The following SYT2 variants were observed in gnomAD, a reference collection of about 807,000 sequenced individuals.
SYT2 encodes the protein synaptotagmin 2.
SYT2 carries 15 observed loss-of-function variants against 39.9 expected under a neutral mutation model. The observed-to-expected ratio is 0.38, with a 90% confidence interval of 0.25 to 0.58. The LOEUF is 0.58. Among genes scored for constraint, SYT2 ranks in the 20% least tolerant of loss-of-function variants. The probability of loss-of-function intolerance (pLI) is 0.70; values close to 1 mark genes in which losing one functional copy is unlikely to be tolerated. For synonymous variants in SYT2, 181 were observed against 204.5 expected, an observed-to-expected ratio of 0.89 and a Z score of 0.98; for missense variants, 389 against 530.3, an observed-to-expected ratio of 0.73 and a Z score of 2.62.
At chr1:202,604,180 C>T (rs766132395) in intron 3 of SYT2, 6 of 352,300 alleles carry the variant, frequency 1.7e-5, no homozygotes, top group Admixed American at 9.0e-5. Context: ...CTCTTTCCAA[C>T]ATTTTGTCCC....
intron 1 of SYT2, among the ~76,000 whole-genome samples, chr1:202,693,975 G>A (rs1653910678): frequency 6.6e-6 from 1 of 152,130 alleles, no homozygotes; most frequent in African/African-American, 2.4e-5. Context: ...GAGCAAGGTC[G>A]GGGGGTGGTG....
intron 1 of SYT2, among the ~76,000 whole-genome samples, chr1:202,696,775 T>C (rs976084278): frequency 1.3e-5 from 2 of 152,206 alleles, no homozygotes; most frequent in African/African-American, 4.8e-5. Context: ...GTAGACGTAA[T>C]ATCATGAATT....
In SYT2 at chr1:202,604,542, T is replaced by C. The variant is rs781491626; in HGVS notation, c.258A>G (p.Lys86=). 9.3e-6 allele frequency: 15 copies of C among 1,614,094 alleles called. No individual in the cohort carries two copies. The highest frequency in any genetic ancestry group is 3.3e-5 in the South Asian group (3 of 91,094). The change falls in exon 3 of 9, where the codon AAA becomes AAG. Residue 86 remains lysine, a synonymous_variant. Transcript: ENST00000367268. ...LLTCCFCICK[K]CCCKKKKNKK... The stretch of plus-strand genomic sequence containing the variant: ...TGTTCTTCTTCTTCTTGCAGCAGCA[T>C]TTCTTGCAGATGCAGAAGCAGCAGG...
rs552980437 is a variant in SYT2 at position 202,599,032 on chromosome 1, C to T, written c.1053+186G>A. Among the ~76,000 whole-genome samples, 1 of 152,256 alleles carries T rather than the reference C, an allele frequency of 6.6e-6. No homozygotes were observed. The highest frequency in any genetic ancestry group is 2.1e-4 in the South Asian group (1 of 4,830). ...TTGAATTAGTTCATGTTTATCTCCT[C>T]AGAAAAGGGGGATCCCTGAAGCACT... On this transcript the variant is annotated intron_variant, in intron 8 of 8. Transcript: ENST00000367268. This position sits in a 1 kb window ranked among gnomAD's most constrained non-coding sequence, Gnocchi z 4.4.
At chr1:202,697,287 A>G (rs768838509) in intron 1 of SYT2, among the ~76,000 whole-genome samples, 2 of 152,206 alleles carry the variant, frequency 1.3e-5, no homozygotes, top group Non-Finnish European at 2.9e-5. Context: ...TGGCGTGTGG[A>G]CCAGGAGAGG....
intron 1 of SYT2, among the ~76,000 whole-genome samples, chr1:202,607,060 G>A (rs1690730234): frequency 6.6e-6 from 1 of 151,984 alleles, no homozygotes; most frequent in African/African-American, 2.4e-5. Flanking sequence ...GTAAAACACT[G>A]AGCATAAATG....
In SYT2 at chr1:202,664,423, A is replaced by T. The variant is rs375902160; in HGVS notation, c.-18+45835T>A. Among the ~76,000 whole-genome samples the T allele has an allele frequency of 1.2e-4, 18 of 152,242 alleles. 1 individual carries two copies. Among genetic ancestry groups the T allele is most frequent in the Admixed American group, 7.9e-4 (12 of 15,286 alleles). The stretch of plus-strand genomic sequence containing the variant: ...ACATGCAATGAAATATCCTCATTTT[A>T]AGTATGCAGTTTGATGAATTTTGTT... On this transcript the variant is annotated intron_variant, in intron 1 of 8. Coordinates refer to ENST00000367268, the MANE Select transcript of SYT2 (RefSeq NM_177402.5).
At chr1:202,656,916 C>A (rs1466609058) in intron 1 of SYT2, among the ~76,000 whole-genome samples, 1 of 152,202 alleles carries the variant, frequency 6.6e-6, no homozygotes, top group African/African-American at 2.4e-5. Context: ...AGACAGAGTC[C>A]AGCCCTTCAG....
chr1:202,612,771 A>T (rs1281440638), intron 1 of SYT2, among the ~76,000 whole-genome samples: 1 of 152,184 alleles, frequency 6.6e-6, no homozygotes, highest in African/African-American at 2.4e-5. Context: ...TGGAATTTTG[A>T]TAGGCATTGT....
intron 1 of SYT2, among the ~76,000 whole-genome samples, chr1:202,670,484 T>C (rs1006633954): frequency 3.9e-5 from 6 of 152,172 alleles, no homozygotes; most frequent in Non-Finnish European, 8.8e-5. Flanking sequence ...TAGCTCTCCC[T>C]GGGTATTCAC....
At chr1:202,692,859 A>C (rs1294366575) in intron 1 of SYT2, among the ~76,000 whole-genome samples, 1 of 152,228 alleles carries the variant, frequency 6.6e-6, no homozygotes, top group Non-Finnish European at 1.5e-5. Context: ...CAGGAGTTCA[A>C]GACCAGCCTG....
chr1:202,621,003 G>C (rs1691189636), intron 1 of SYT2, among the ~76,000 whole-genome samples: 1 of 152,152 alleles, frequency 6.6e-6, no homozygotes, highest in Non-Finnish European at 1.5e-5. Flanking sequence ...CATGATACCT[G>C]TGTAAAAGGG....
intron 1 of SYT2, among the ~76,000 whole-genome samples, chr1:202,669,783 C>T (rs1445753237): frequency 6.6e-6 from 1 of 151,080 alleles, no homozygotes; most frequent in South Asian, 2.1e-4. Context: ...AGACCACCCA[C>T]AATTCTTATC....
At chr1:202,650,433 T>C (rs1484986019) in intron 1 of SYT2, among the ~76,000 whole-genome samples, 1 of 135,830 alleles carries the variant, frequency 7.4e-6, no homozygotes, top group Non-Finnish European at 1.6e-5. Flanking sequence ...TTGTTTCATA[T>C]GCTTTTGTTT....
At chr1:202,602,078 C>G (rs973928744) in intron 5 of SYT2, 21 bp from the exon 6 acceptor site, 14 of 1,612,738 alleles carry the variant, frequency 8.7e-6, no homozygotes, top group Non-Finnish European at 1.2e-5. Flanking sequence ...CAAGCAGAAT[C>G]AGAGGGGGCC....
chr1:202,683,522 T>G (rs761321710), intron 1 of SYT2, among the ~76,000 whole-genome samples: 1 of 152,058 alleles, frequency 6.6e-6, no homozygotes, highest in Non-Finnish European at 1.5e-5. Flanking sequence ...AAGGATTGCT[T>G]GAACCTAGGA....
intron 1 of SYT2, among the ~76,000 whole-genome samples, chr1:202,689,967 T>C (rs1653776749): frequency 6.6e-6 from 1 of 150,874 alleles, no homozygotes; most frequent in Non-Finnish European, 1.5e-5. Context: ...GCATGAAACA[T>C]CTGATTACAC....
intron 1 of SYT2, among the ~76,000 whole-genome samples, chr1:202,700,143 G>T (rs530286717): frequency 6.6e-6 from 1 of 152,184 alleles, no homozygotes; most frequent in East Asian, 1.9e-4. Flanking sequence ...CCCTCTCCAG[G>T]CAGCCCTGGA....
rs113129161 is a variant in SYT2 at position 202,605,901 on chromosome 1, A to G, written c.-17-112T>C. On this transcript the variant is annotated intron_variant, in intron 1 of 8. Coordinates refer to ENST00000367268, the MANE Select transcript of SYT2 (RefSeq NM_177402.5). ...TCTTTATAGATCAAAGATATTTTGC[A>G]TAATATTAACAACTGTAGTAAACCA... 1.5e-3 allele frequency: 1,063 copies of G among 705,190 alleles called. 15 individuals carry two copies. The African/African-American group carries it at 0.017, about 11-fold the overall frequency. The allele number at this position is 705,190 out of a possible 1,614,324, so 43.7% of individuals were successfully genotyped here.
Sources: allele counts gnomAD v4.1 joint callset (sites outside exome capture counted in the v4.1 genomes callset), GRCh38; gene constraint gnomAD v4.1.1; non-coding constraint Gnocchi (gnomAD v3.1); transcripts MANE v1.5; gene names NCBI Gene and HGNC (gene_info 2026-07-23, HGNC 2026-07-21).